The following TENM2 variants were observed in gnomAD, a reference collection of about 807,000 sequenced individuals.
TENM2 encodes teneurin-2.
A neutral mutation model predicts 245.2 loss-of-function variants in TENM2; 52 were observed. The ratio of observed to expected loss-of-function variants is 0.21; its 90% CI spans 0.17 to 0.27. TENM2 has a LOEUF of 0.27. Ranked by LOEUF, TENM2 falls within the 10% of genes least tolerant of loss-of-function variation. TENM2 has a pLI of 1.00. For missense variants in TENM2, 3,046 were observed against 3,666.8 expected (o/e 0.83, Z 4.37); for synonymous variants, 1,363 against 1,438.9 (o/e 0.95, Z 1.19).
chr5:167,350,025 G>A (rs1467855853), intron 1 of TENM2, among the ~76,000 whole-genome samples: 11 of 152,154 alleles, frequency 7.2e-5, no homozygotes, highest in Admixed American at 7.2e-4. Context: ...TCAGAATGGT[G>A]TCAAATTATA....
At chr5:167,483,267 A>G in intron 2 of TENM2, among the ~76,000 whole-genome samples, 1 of 152,216 alleles carries the variant, frequency 6.6e-6, no homozygotes. Context: ...TAGACAAAGG[A>G]TGCTTCCTTG....
At chr5:167,504,604 G>A (rs1769422583) in intron 2 of TENM2, among the ~76,000 whole-genome samples, 1 of 152,170 alleles carries the variant, frequency 6.6e-6, no homozygotes, top group South Asian at 2.1e-4. Context: ...ACCACTGGGA[G>A]GTGGAAGACC....
At chr5:167,400,781 A>G (rs1374871502) in intron 2 of TENM2, among the ~76,000 whole-genome samples, 4 of 152,148 alleles carry the variant, frequency 2.6e-5, no homozygotes, top group Non-Finnish European at 5.9e-5. Context: ...TCTTCTTGGC[A>G]GAAGGGACTA....
At chr5:167,372,500 C>T (rs1454189637) in intron 1 of TENM2, among the ~76,000 whole-genome samples, 1 of 152,330 alleles carries the variant, frequency 6.6e-6, no homozygotes, top group East Asian at 1.9e-4. Context: ...GCCTCCTGTC[C>T]TCATACAACT....
chr5:167,835,732 T>C (rs1583142651), intron 2 of TENM2, among the ~76,000 whole-genome samples: 1 of 151,832 alleles, frequency 6.6e-6, no homozygotes, highest in East Asian at 1.9e-4. Context: ...AAAAAAAAAA[T>C]CAAAAACCTT....
At chr5:167,221,522 T>G in the TENM2 span, among the ~76,000 whole-genome samples, 3 of 152,142 alleles carry the variant, frequency 2.0e-5, no homozygotes, top group Non-Finnish European at 2.9e-5. Flanking sequence ...ACAGTTTAGT[T>G]TTTTTCTTGA....
At chr5:167,454,156 C>T in intron 2 of TENM2, among the ~76,000 whole-genome samples, 1 of 152,078 alleles carries the variant, frequency 6.6e-6, no homozygotes, top group East Asian at 1.9e-4. Context: ...AGGAGTAGCA[C>T]AATGCCCTTG....
At chr5:167,180,511 G>A in the TENM2 span, among the ~76,000 whole-genome samples, 15 of 152,180 alleles carry the variant, frequency 9.9e-5, no homozygotes, top group African/African-American at 3.1e-4. Flanking sequence ...GTCAGAAGGC[G>A]GGAGTTGCCC....
intron 7 of TENM2, among the ~76,000 whole-genome samples, chr5:168,083,304 C>T (rs372746860): frequency 1.6e-4 from 24 of 152,286 alleles, no homozygotes; most frequent in African/African-American, 4.3e-4. Context: ...ATTGGAAAAG[C>T]GCAGTATTAG....
intron 1 of TENM2, among the ~76,000 whole-genome samples, chr5:167,350,586 A>G (rs1758777622): frequency 7.2e-6 from 1 of 138,146 alleles, no homozygotes; most frequent in South Asian, 2.3e-4. Flanking sequence ...TATATATGGG[A>G]TATATATATA....
At chr5:167,673,140 C>A (rs1756075030) in intron 2 of TENM2, among the ~76,000 whole-genome samples, 2 of 151,030 alleles carry the variant, frequency 1.3e-5, no homozygotes, top group Admixed American at 1.3e-4. Context: ...TATTATATGG[C>A]CATTTCTATA....
At chr5:167,315,140 T>A (rs1002244681) in intron 1 of TENM2, among the ~76,000 whole-genome samples, 1 of 152,134 alleles carries the variant, frequency 6.6e-6, no homozygotes, top group African/African-American at 2.4e-5. Context: ...GATTACTAGA[T>A]CAAAAAGTAT....
intron 1 of TENM2, among the ~76,000 whole-genome samples, chr5:167,367,801 A>C (rs1033657557): frequency 3.9e-5 from 6 of 152,140 alleles, no homozygotes; most frequent in Admixed American, 6.6e-5. Flanking sequence ...GTCAAACAGA[A>C]ATAAAATTAT....
In TENM2 at chr5:167,919,840, A is replaced by G. The variant is rs142799089; in HGVS notation, c.713-32748A>G. 8.5e-3 allele frequency among the ~76,000 whole-genome samples: 1,302 copies of G among 152,342 alleles called. 16 individuals are homozygous for G. Among genetic ancestry groups the G allele is most frequent in the African/African-American group, 0.029 (1,216 of 41,572 alleles). ...AACACTCTTAGAGGAAGACGGGATCACAACTATTATGACTATCACGACATC... is the reference window on the plus strand; with the variant it reads ...AACACTCTTAGAGGAAGACGGGATCGCAACTATTATGACTATCACGACATC... On this transcript the variant is annotated intron_variant, in intron 3 of 28. Coordinates refer to ENST00000518659, the Ensembl canonical transcript of TENM2.
At chr5:167,288,742 A>G (rs112264072) in intron 1 of TENM2, among the ~76,000 whole-genome samples, 2 of 152,290 alleles carry the variant, frequency 1.3e-5, no homozygotes, top group East Asian at 1.9e-4. Flanking sequence ...GAGAGATTAA[A>G]TAAGTCATCC....
Position 167,487,357 on chromosome 5 carries a change from ATGAG to A in TENM2, c.502+111890_502+111893del, listed in dbSNP as rs375326187. On this transcript the variant is annotated intron_variant, in intron 2 of 28. Transcript: ENST00000518659. ...TAGATTTGCATGTGTGTGTGTGTAT[ATGAG>A]TGAGTATGTGCCCGTATGTGTTTTC... Among the ~76,000 whole-genome samples, 58 of 152,214 alleles carry A rather than the reference ATGAG, an allele frequency of 3.8e-4. No homozygotes were observed. In the East Asian group the frequency reaches 9.6e-3, roughly 25 times the overall value.
At chr5:167,249,897 T>C in the TENM2 span, among the ~76,000 whole-genome samples, 29 of 152,124 alleles carry the variant, frequency 1.9e-4, no homozygotes, top group African/African-American at 7.0e-4. Context: ...GCCTGGAACA[T>C]TATAGACAAT....
intron 2 of TENM2, among the ~76,000 whole-genome samples, chr5:167,868,763 A>G (rs1461436321): frequency 6.7e-6 from 1 of 148,338 alleles, no homozygotes; most frequent in Admixed American, 6.8e-5. Flanking sequence ...AAAAAATCAG[A>G]TGCTTTATTT....
intron 5 of TENM2, among the ~76,000 whole-genome samples, chr5:168,036,683 A>G (rs1581127604): frequency 1.8e-5 from 2 of 114,100 alleles, no homozygotes; most frequent in Admixed American, 1.8e-4. Context: ...ATGTGTATAT[A>G]TATATATATA....
Sources: allele counts gnomAD v4.1 joint callset (sites outside exome capture counted in the v4.1 genomes callset), GRCh38; gene constraint gnomAD v4.1.1; transcripts MANE v1.5; gene names NCBI Gene and HGNC (gene_info 2026-07-23, HGNC 2026-07-21).